OXR1: variants seen among roughly 807,000 people sequenced by gnomAD.
OXR1 encodes the protein oxidation resistance protein 1.
Under a neutral mutation model 104.6 loss-of-function variants are expected in OXR1, and 41 were observed. That is an observed-to-expected ratio of 0.39 (90% CI 0.31 to 0.51). The LOEUF (loss-of-function observed/expected upper bound fraction) is 0.51. OXR1 is among the 20% of genes least tolerant of loss of function. The pLI is 0.77. For missense variants in OXR1, 955 were observed against 1,031.9 expected (o/e 0.93, Z 1.02); for synonymous variants, 348 against 348.4 (o/e 1.00, Z 0.01).
intron 3 of OXR1, among the ~76,000 whole-genome samples, chr8:106,618,976 T>C (rs1263186018): frequency 2.0e-5 from 3 of 152,098 alleles, no homozygotes; most frequent in African/African-American, 4.8e-5. Flanking sequence ...GGAATAAAGA[T>C]ATAAAAAGAA....
intron 1 of OXR1, among the ~76,000 whole-genome samples, chr8:106,312,910 A>G (rs1813768480): frequency 6.6e-6 from 1 of 152,170 alleles, no homozygotes; most frequent in Non-Finnish European, 1.5e-5. Flanking sequence ...GCCAGGAATC[A>G]GATGACACCC....
At chr8:106,551,240 C>T (rs182182164) in intron 3 of OXR1, among the ~76,000 whole-genome samples, 286 of 152,224 alleles carry the variant, frequency 1.9e-3, no homozygotes, top group African/African-American at 6.5e-3. Flanking sequence ...GTCAATTAAA[C>T]ATCGTATTCA....
intron 3 of OXR1, among the ~76,000 whole-genome samples, chr8:106,596,175 G>A (rs1409972564): frequency 6.6e-6 from 1 of 152,170 alleles, no homozygotes; most frequent in Non-Finnish European, 1.5e-5. Flanking sequence ...GCTGGATGCA[G>A]TGGCTCACAT....
chr8:106,360,950 T>A (rs765353092), intron 2 of OXR1, among the ~76,000 whole-genome samples: 1 of 152,066 alleles, frequency 6.6e-6, no homozygotes, highest in Non-Finnish European at 1.5e-5. Flanking sequence ...CAGGTATGAT[T>A]GTTGTATTTC....
intron 3 of OXR1, among the ~76,000 whole-genome samples, chr8:106,550,180 G>A (rs1253398656): frequency 6.6e-6 from 1 of 152,128 alleles, no homozygotes; most frequent in Non-Finnish European, 1.5e-5. Flanking sequence ...GTTCCTACTG[G>A]TAATGGACTC....
At position 106,618,189 on chromosome 8, in the gene OXR1, T is replaced by G. The variant is rs1212738028; in HGVS notation, c.221-61021T>G. The stretch of plus-strand genomic sequence containing the variant: ...AATGTTCTGCCAGCGCAAAGGTATG[T>G]GTAAGTGCTCTCTTAGTGGCTTTAA... On this transcript the variant is annotated intron_variant, in intron 3 of 16. Transcript: ENST00000517566. 1.4e-5 allele frequency: 21 copies of G among 1,534,444 alleles called. No homozygotes were observed. In the East Asian group the frequency reaches 4.9e-4, roughly 36 times the overall value.
intron 2 of OXR1, among the ~76,000 whole-genome samples, chr8:106,418,137 G>T (rs1338922501): frequency 6.6e-6 from 1 of 152,044 alleles, no homozygotes; most frequent in Non-Finnish European, 1.5e-5. Flanking sequence ...AAAGGAAGTA[G>T]AAAAAAGACA....
chr8:106,407,301 A>G (rs1327104593), intron 2 of OXR1, among the ~76,000 whole-genome samples: 2 of 152,190 alleles, frequency 1.3e-5, no homozygotes, highest in Non-Finnish European at 2.9e-5. Context: ...CTGAAGGGTG[A>G]GTGAGTTCTC....
At chr8:106,605,090 AC>A (rs1820266167) in intron 3 of OXR1, 1 of 152,204 alleles carries the variant, frequency 6.6e-6, no homozygotes, top group African/African-American at 2.4e-5. Flanking sequence ...AGAGCCTGGG[AC>A]TTTTAATTTG....
At chr8:106,707,254 G>A (rs931718110) in intron 9 of OXR1, 109 bp downstream of exon 9, 2 of 889,034 alleles carry the variant, frequency 2.2e-6, no homozygotes, top group African/African-American at 1.7e-5. Context: ...AAGGATAAGT[G>A]AGTGACCCTT....
intron 2 of OXR1, among the ~76,000 whole-genome samples, chr8:106,440,486 T>A (rs938975889): frequency 3.9e-5 from 6 of 152,100 alleles, no homozygotes; most frequent in Non-Finnish European, 8.8e-5. Flanking sequence ...AGTTAAAGAA[T>A]AAAGAAAAGA....
At chr8:106,679,930 G>T (rs1827985328) in intron 4 of OXR1, among the ~76,000 whole-genome samples, 1 of 151,982 alleles carries the variant, frequency 6.6e-6, no homozygotes, top group South Asian at 2.1e-4. Context: ...ATGTTAACGT[G>T]TTGTAAAGCA....
intron 3 of OXR1, among the ~76,000 whole-genome samples, chr8:106,672,004 T>A (rs1827048196): frequency 1.4e-5 from 2 of 141,054 alleles, no homozygotes; most frequent in South Asian, 2.3e-4. Flanking sequence ...ATAATAATAA[T>A]AAAAGGCTGT....
intron 3 of OXR1, among the ~76,000 whole-genome samples, chr8:106,663,691 A>G (rs1334817852): frequency 1.3e-5 from 2 of 152,196 alleles, no homozygotes; most frequent in Non-Finnish European, 2.9e-5. Context: ...GCCTCCTGTT[A>G]GATCAGTGGG....
intron 3 of OXR1, among the ~76,000 whole-genome samples, chr8:106,543,971 T>G (rs534107243): frequency 9.2e-5 from 14 of 152,306 alleles, no homozygotes; most frequent in African/African-American, 3.4e-4. Flanking sequence ...TTGGAAAATG[T>G]GGTTTTCAAG....
intron 2 of OXR1, among the ~76,000 whole-genome samples, chr8:106,418,157 T>C (rs943995819): frequency 6.6e-6 from 1 of 152,182 alleles, no homozygotes; most frequent in African/African-American, 2.4e-5. Flanking sequence ...ATTAAATCAC[T>C]GAAGAGGAAG....
At chr8:106,531,362 A>G (rs1814082215) in intron 3 of OXR1, among the ~76,000 whole-genome samples, 1 of 152,232 alleles carries the variant, frequency 6.6e-6, no homozygotes, top group Non-Finnish European at 1.5e-5. Flanking sequence ...TCAACCCAGT[A>G]TACAAATCAG....
chr8:106,500,570 G>A (rs1365752713), intron 2 of OXR1, among the ~76,000 whole-genome samples: 1 of 152,160 alleles, frequency 6.6e-6, no homozygotes, highest in Admixed American at 6.5e-5. Context: ...GGATTTTAAG[G>A]CAGTAGCTTG....
intron 3 of OXR1, among the ~76,000 whole-genome samples, chr8:106,639,450 C>T (rs769480929): frequency 6.6e-6 from 1 of 152,168 alleles, no homozygotes; most frequent in Non-Finnish European, 1.5e-5. Flanking sequence ...ATATACCCAG[C>T]TCTTCATGAG....
Sources: allele counts gnomAD v4.1 joint callset (sites outside exome capture counted in the v4.1 genomes callset), GRCh38; gene constraint gnomAD v4.1.1; transcripts MANE v1.5; gene names NCBI Gene and HGNC (gene_info 2026-07-23, HGNC 2026-07-21).